The following HECW2 variants were observed in gnomAD, a reference collection of about 807,000 sequenced individuals.
HECW2 encodes the protein E3 ubiquitin-protein ligase HECW2.
HECW2 carries 61 observed loss-of-function variants against 175.2 expected under a neutral mutation model. That is an observed-to-expected ratio of 0.35 (90% CI 0.28 to 0.43). The LOEUF (loss-of-function observed/expected upper bound fraction) is 0.43, where lower values mean the gene tolerates loss of function less well. Ranked by LOEUF, HECW2 falls within the 20% of genes least tolerant of loss-of-function variation. HECW2 has a pLI of 1.00. For missense variants in HECW2, 1,524 were observed against 2,000.5 expected (o/e 0.76, Z 4.54); for synonymous variants, 671 against 731.0 (o/e 0.92, Z 1.32).
intron 1 of HECW2, among the ~76,000 whole-genome samples, chr2:196,542,285 C>T (rs1279583080): frequency 7.0e-6 from 1 of 142,572 alleles, no homozygotes; most frequent in Admixed American, 6.9e-5. Flanking sequence ...AAAAAAAAGA[C>T]AAAGGCACAA....
chr2:196,279,210 G>C (rs6741551), intron 14 of HECW2, among the ~76,000 whole-genome samples: 1 of 151,840 alleles, frequency 6.6e-6, no homozygotes, highest in Admixed American at 6.6e-5. Context: ...CACCACGCCC[G>C]GCTAATTTTT....
chr2:196,285,235 A>G (rs1690340900), intron 14 of HECW2, among the ~76,000 whole-genome samples: 1 of 152,262 alleles, frequency 6.6e-6, no homozygotes, highest in African/African-American at 2.4e-5. Flanking sequence ...ATGAAGAAAT[A>G]CCAACCTCAG....
chr2:196,427,461 A>C (rs1695581738), intron 2 of HECW2, among the ~76,000 whole-genome samples: 1 of 152,144 alleles, frequency 6.6e-6, no homozygotes, highest in Middle Eastern at 3.2e-3. Flanking sequence ...CCAAAGGTGA[A>C]GGGGAATTAG....
intron 20 of HECW2, among the ~76,000 whole-genome samples, chr2:196,241,640 G>A (rs1364911463): frequency 1.1e-4 from 17 of 152,170 alleles, no homozygotes; most frequent in Non-Finnish European, 5.9e-5. Context: ...AAGAAAGGCC[G>A]AAACAACATT....
chr2:196,240,170 C>G (rs551320861), intron 21 of HECW2: 30 of 251,066 alleles, frequency 1.2e-4, no homozygotes, highest in Non-Finnish European at 2.1e-4. Context: ...TACTTTTTCC[C>G]TTTAAGAGAA....
chr2:196,307,302 G>A, intron 11 of HECW2, 69 bp from the exon 12 acceptor site: 2 of 1,046,200 alleles, frequency 1.9e-6, no homozygotes, highest in Non-Finnish European at 2.9e-6. Context: ...CTCCCCAAGA[G>A]TCTAGAACTT....
At chr2:196,539,434 C>T (rs1046921656) in intron 1 of HECW2, among the ~76,000 whole-genome samples, 1 of 152,042 alleles carries the variant, frequency 6.6e-6, no homozygotes, top group African/African-American at 2.4e-5. Context: ...AGATGTAGAC[C>T]ATCCTGGCTA....
intron 1 of HECW2, among the ~76,000 whole-genome samples, chr2:196,520,896 T>G (rs1055223206): frequency 6.6e-6 from 1 of 152,060 alleles, no homozygotes; most frequent in African/African-American, 2.4e-5. Context: ...TAAAATTATT[T>G]ATAAGGTCAG....
At chr2:196,556,017 G>A (rs1689780190) in intron 1 of HECW2, among the ~76,000 whole-genome samples, 1 of 152,112 alleles carries the variant, frequency 6.6e-6, no homozygotes. Flanking sequence ...ATCCCTCCCA[G>A]ACCTCCCCAA....
intron 1 of HECW2, among the ~76,000 whole-genome samples, chr2:196,491,385 C>T (rs867596727): frequency 6.7e-6 from 1 of 150,102 alleles, no homozygotes; most frequent in African/African-American, 2.5e-5. Flanking sequence ...CACACACACA[C>T]ACACACACAC....
At chr2:196,380,374 G>C (rs748115961) in intron 2 of HECW2, among the ~76,000 whole-genome samples, 1 of 152,202 alleles carries the variant, frequency 6.6e-6, no homozygotes, top group Non-Finnish European at 1.5e-5. Flanking sequence ...ACAGCCCTTT[G>C]TATGCATTTG....
chr2:196,347,007 C>CAAAAAACAAAAAA (rs1692980114), intron 2 of HECW2, among the ~76,000 whole-genome samples: 1 of 130,022 alleles, frequency 7.7e-6, no homozygotes, highest in African/African-American at 2.9e-5. Context: ...GACTCCGTCT[C>CAAAAAACAAAAAA]AAAAAAAAAA....
At chr2:196,329,685 A>T in intron 4 of HECW2, 35 bp from the exon 5 acceptor site, 6 of 1,537,626 alleles carry the variant, frequency 3.9e-6, no homozygotes, top group Non-Finnish European at 5.4e-6. Context: ...AAGTTTCAGA[A>T]GCATATGATG....
At chr2:196,550,341 A>C (rs754164434) in intron 1 of HECW2, among the ~76,000 whole-genome samples, 1 of 151,690 alleles carries the variant, frequency 6.6e-6, no homozygotes, top group Non-Finnish European at 1.5e-5. Context: ...CAGTGATGTG[A>C]CTCCTCTACG....
At chr2:196,356,333 G>A (rs545635613) in intron 2 of HECW2, among the ~76,000 whole-genome samples, 101 of 152,262 alleles carry the variant, frequency 6.6e-4, no homozygotes, top group Admixed American at 9.8e-4. Context: ...CAGTCACCTC[G>A]TATCCATAGT....
At chr2:196,460,507 T>A (rs1163362777) in intron 1 of HECW2, among the ~76,000 whole-genome samples, 4 of 151,408 alleles carry the variant, frequency 2.6e-5, no homozygotes, top group African/African-American at 7.3e-5. Context: ...TTTTTGCATG[T>A]ATTCATTTAG....
chr2:196,373,322 T>C (rs1233222090), intron 2 of HECW2, among the ~76,000 whole-genome samples: 1 of 152,234 alleles, frequency 6.6e-6, no homozygotes, highest in Non-Finnish European at 1.5e-5. Flanking sequence ...CTGTTTTCAA[T>C]TAACCAAAGG....
intron 28 of HECW2, among the ~76,000 whole-genome samples, chr2:196,213,582 C>T (rs989157724): frequency 1.3e-5 from 2 of 152,156 alleles, no homozygotes; most frequent in African/African-American, 4.8e-5. Flanking sequence ...AGGCTGCTTG[C>T]TCAATGTGCC....
intron 2 of HECW2, among the ~76,000 whole-genome samples, chr2:196,353,113 C>T (rs927062570): frequency 2.0e-5 from 3 of 152,122 alleles, no homozygotes; most frequent in Non-Finnish European, 1.5e-5. Flanking sequence ...TCGCTCCTTA[C>T]CCCCTTCCAG....
Sources: allele counts gnomAD v4.1 joint callset (sites outside exome capture counted in the v4.1 genomes callset), GRCh38; gene constraint gnomAD v4.1.1; transcripts MANE v1.5; gene names NCBI Gene and HGNC (gene_info 2026-07-23, HGNC 2026-07-21).